Variants in PARP6 observed in about 807,000 individuals in gnomAD.
PARP6 encodes protein mono-ADP-ribosyltransferase PARP6.
Under a neutral mutation model 92.0 loss-of-function variants are expected in PARP6, and 27 were observed. That is an observed-to-expected ratio of 0.29 (90% confidence interval 0.22 to 0.40). The LOEUF (loss-of-function observed/expected upper bound fraction) is 0.40. Among genes scored for constraint, PARP6 ranks in the 10% least tolerant of loss-of-function variants. The pLI is 1.00. For synonymous variants in PARP6, 272 were observed against 281.2 expected, an observed-to-expected ratio of 0.97 and a Z score of 0.33; for missense variants, 501 against 784.5, an observed-to-expected ratio of 0.64 and a Z score of 4.32.
At chr15:72,272,216 C>T (rs1213451496) in intron 1 of PARP6, 177 bp downstream of exon 1, 1 of 152,270 alleles carries the variant, frequency 6.6e-6, no homozygotes, top group African/African-American at 2.4e-5. Flanking sequence ...AGGCCTCTCC[C>T]GGGGAAGCAG....
chr15:72,248,349 T>C (rs1367839015), intron 20 of PARP6, among the ~76,000 whole-genome samples: 2 of 146,958 alleles, frequency 1.4e-5, no homozygotes, highest in African/African-American at 5.0e-5. Context: ...TTCTTTTTTC[T>C]TTTTTTTTTT....
intron 11 of PARP6, 31 bp downstream of exon 11, chr15:72,259,577 G>T: frequency 1.2e-6 from 2 of 1,606,290 alleles, no homozygotes; most frequent in South Asian, 2.2e-5. Context: ...AACAGGGAAG[G>T]GCTTCGGAGT....
chr15:72,260,381 G>A, intron 10 of PARP6, 97 bp downstream of exon 10: 1 of 959,276 alleles, frequency 1.0e-6, no homozygotes, highest in Non-Finnish European at 1.6e-6. Context: ...ATGATGCCTA[G>A]ACAACCATAT....
intron 16 of PARP6, among the ~76,000 whole-genome samples, chr15:72,252,316 G>A (rs757860019): frequency 6.6e-6 from 1 of 152,112 alleles, no homozygotes; most frequent in Non-Finnish European, 1.5e-5. Context: ...ACCTATTGGT[G>A]GTGACTATAG....
At chr15:72,270,340 A>ATG (rs1217455964) in intron 2 of PARP6, among the ~76,000 whole-genome samples, 2 of 152,170 alleles carry the variant, frequency 1.3e-5, no homozygotes, top group African/African-American at 4.8e-5. Context: ...TGGTGAAGCT[A>ATG]TGTGACGTAC....
chr15:72,264,105 T>C lies in PARP6; in HGVS notation c.395+450A>G, dbSNP rs552177024. On this transcript the variant is annotated intron_variant, in intron 8 of 23. Transcript: ENST00000569795. ...TTCAGTGTCCTTTCTAAACCTTACATATTCACCTGTATTAGAATATGTATC... is the reference window on the plus strand; with the variant it reads ...TTCAGTGTCCTTTCTAAACCTTACACATTCACCTGTATTAGAATATGTATC... 3.2e-4 allele frequency among the ~76,000 whole-genome samples: 49 copies of C among 152,148 alleles called. No homozygotes were observed. The South Asian group carries it at 9.7e-3, about 30-fold the overall frequency.
chr15:72,253,564 G>T, intron 15 of PARP6, 60 bp from the exon 16 acceptor site: 1 of 1,387,486 alleles, frequency 7.2e-7, no homozygotes, highest in Non-Finnish European at 1.0e-6. Context: ...CCTGCTTTCT[G>T]CTTTTCACAG....
At chr15:72,244,497 C>T (rs924378167) in intron 20 of PARP6, 1 of 152,166 alleles carries the variant, frequency 6.6e-6, no homozygotes, top group Non-Finnish European at 1.5e-5. Context: ...TTTTCACTGT[C>T]CCCTATTTCA....
At chr15:72,255,780 CTCTCTT>C (rs1410480159) in intron 14 of PARP6, among the ~76,000 whole-genome samples, 8 of 62,526 alleles carry the variant, frequency 1.3e-4, no homozygotes, top group South Asian at 1.3e-3. Context: ...TATATTACTT[CTCTCTT>C]TTTTTTTTTT....
At chr15:72,266,621 G>C in intron 4 of PARP6, 124 bp downstream of exon 4, 1 of 736,224 alleles carries the variant, frequency 1.4e-6, no homozygotes, top group Admixed American at 2.1e-5. Context: ...ACCATGCTCA[G>C]ACCACATCAA....
Position 72,242,482 on chromosome 15 carries a change from C to G in PARP6, c.1641+138G>C. On this transcript the variant is annotated intron_variant, in intron 21 of 23. Transcript: ENST00000569795. This position sits in a 1 kb window ranked among gnomAD's most constrained non-coding sequence, Gnocchi z 4.3. ...ACATATGACTCCAGACGTGTGTTCA[C>G]TTTAGAACATACCTGACTCCTTTAA... 1.4e-6 allele frequency: 1 copy of G among 703,014 alleles called. No individual in the cohort carries two copies. The highest frequency in any genetic ancestry group is 2.5e-6 in the Non-Finnish European group (1 of 392,968). The allele number at this position is 703,014 out of a possible 1,614,324, so 43.5% of individuals were successfully genotyped here.
chr15:72,266,060 A>C, intron 4 of PARP6, 69 bp from the exon 5 acceptor site: 1 of 1,063,452 alleles, frequency 9.4e-7, no homozygotes, highest in South Asian at 1.3e-5. Context: ...AGATAATAAA[A>C]AGAATATGAA....
chr15:72,258,587 A>T (rs1405260316), intron 11 of PARP6, among the ~76,000 whole-genome samples: 2 of 152,256 alleles, frequency 1.3e-5, no homozygotes, highest in Non-Finnish European at 2.9e-5. Context: ...GCATTCAATC[A>T]ATTAGATGGC....
At chr15:72,251,358 G>A (rs1596986603) in intron 16 of PARP6, 103 bp from the exon 17 acceptor site, 2 of 684,342 alleles carry the variant, frequency 2.9e-6, no homozygotes, top group Non-Finnish European at 4.9e-6. Context: ...GAATAAACAA[G>A]GATTCCTGGG....
chr15:72,248,111 C>CT (rs1229018889), intron 20 of PARP6, among the ~76,000 whole-genome samples: 1 of 152,008 alleles, frequency 6.6e-6, no homozygotes, highest in African/African-American at 2.4e-5. Context: ...AGTTGTACTG[C>CT]TTTTTTTGGT....
At chr15:72,243,828 CA>C (rs1301240258) in intron 20 of PARP6, 1 of 152,244 alleles carries the variant, frequency 6.6e-6, no homozygotes, top group Non-Finnish European at 1.5e-5. Flanking sequence ...CATTATAGGT[CA>C]TAAGCACTCT....
intron 8 of PARP6, among the ~76,000 whole-genome samples, chr15:72,262,085 T>C (rs1279531507): frequency 2.0e-5 from 3 of 152,304 alleles, no homozygotes; most frequent in Admixed American, 6.5e-5. Flanking sequence ...TTGTGAGTCA[T>C]GAAGAAAGGG....
intron 18 of PARP6, 35 bp downstream of exon 18, chr15:72,250,810 C>A: frequency 1.9e-5 from 19 of 1,015,274 alleles, no homozygotes; most frequent in Non-Finnish European, 2.4e-5. Flanking sequence ...CCCGCCCCCT[C>A]ACCACCCCCA....
In PARP6 at chr15:72,242,531, C is replaced by A; in HGVS notation, c.1641+89G>T. The A allele has an allele frequency of 3.3e-6, 3 of 898,684 alleles. 1 individual carries two copies. Among genetic ancestry groups the A allele is most frequent in the Non-Finnish European group, 5.6e-6 (3 of 534,244 alleles). 55.7% of individuals were successfully genotyped at this position (898,684 alleles called of 1,614,324 possible). ...AAATGATCTCAAATCACTCCCCAACCCATTCTCACCCCACTGTTTCCCTGT... is the reference window on the plus strand; with the variant it reads ...AAATGATCTCAAATCACTCCCCAACACATTCTCACCCCACTGTTTCCCTGT... On this transcript the variant is annotated intron_variant, in intron 21 of 23. Transcript: ENST00000569795. This position sits in a 1 kb window ranked among gnomAD's most constrained non-coding sequence, Gnocchi z 4.3.
Sources: allele counts gnomAD v4.1 joint callset (sites outside exome capture counted in the v4.1 genomes callset), GRCh38; gene constraint gnomAD v4.1.1; non-coding constraint Gnocchi (gnomAD v3.1); transcripts MANE v1.5; gene names NCBI Gene and HGNC (gene_info 2026-07-23, HGNC 2026-07-21).